The following SUSD1 variants were observed in gnomAD, a reference collection of about 807,000 sequenced individuals.
SUSD1 encodes sushi domain containing 1.
A neutral mutation model predicts 86.9 loss-of-function variants in SUSD1; 65 were observed. The observed-to-expected ratio is 0.75, with a 90% confidence interval of 0.61 to 0.92. The LOEUF (loss-of-function observed/expected upper bound fraction) is 0.92. Ranked by LOEUF, SUSD1 falls within the 40% of genes least tolerant of loss-of-function variation. The pLI, the probability that SUSD1 is intolerant of heterozygous loss-of-function variation, is 0.00. For missense variants in SUSD1, 850 were observed against 929.7 expected (o/e 0.91, Z 1.11); for synonymous variants, 346 against 350.0 (o/e 0.99, Z 0.13).
chr9:112,107,029 C>T lies in SUSD1; in HGVS notation c.1171+4625G>A, dbSNP rs560143975. ...CCTGTAATCCAAGCACTTTGAGAGGCTGACGCAGGAGGATCCCTTGAGGCC... is the reference window on the plus strand; with the variant it reads ...CCTGTAATCCAAGCACTTTGAGAGGTTGACGCAGGAGGATCCCTTGAGGCC... On this transcript the variant is annotated intron_variant, in intron 8 of 16. Transcript: ENST00000374270. Among the ~76,000 whole-genome samples, 9 of 151,960 alleles carry T rather than the reference C, an allele frequency of 5.9e-5. No individual in the cohort carries two copies. In the South Asian group the frequency reaches 1.9e-3, roughly 32 times the overall value.
chr9:112,094,142 C>G (rs1830306420), intron 10 of SUSD1, among the ~76,000 whole-genome samples: 1 of 152,148 alleles, frequency 6.6e-6, no homozygotes, highest in Non-Finnish European at 1.5e-5. Context: ...GGATGGGGCC[C>G]AGGAACCAGT....
chr9:112,137,389 C>T, intron 5 of SUSD1, among the ~76,000 whole-genome samples: 1 of 152,144 alleles, frequency 6.6e-6, no homozygotes, highest in East Asian at 1.9e-4. Context: ...AAGCACTCTC[C>T]TCTAAATTAA....
At chr9:112,115,526 A>C (rs1202988547) in intron 6 of SUSD1, among the ~76,000 whole-genome samples, 2 of 152,098 alleles carry the variant, frequency 1.3e-5, no homozygotes, top group Non-Finnish European at 2.9e-5. Flanking sequence ...TTGTGGGCCA[A>C]GTGGGTGCGG....
intron 7 of SUSD1, among the ~76,000 whole-genome samples, chr9:112,112,560 C>T (rs1991565): frequency 0.47 from 71,848 of 151,762 alleles, 17,259 homozygotes; most frequent in East Asian, 0.71. Flanking sequence ...CGCTTGAACC[C>T]GGGAGGCTGA....
intron 10 of SUSD1, among the ~76,000 whole-genome samples, chr9:112,089,364 G>A (rs768566824): frequency 5.3e-5 from 8 of 152,024 alleles, no homozygotes; most frequent in Admixed American, 3.3e-4. Context: ...AAGAAAGTAA[G>A]CACTGCAATC....
intron 12 of SUSD1, among the ~76,000 whole-genome samples, chr9:112,066,886 G>GT (rs1226373990): frequency 6.6e-6 from 1 of 151,898 alleles, no homozygotes; most frequent in Non-Finnish European, 1.5e-5. Context: ...TTGTTTATCT[G>GT]TTTTTTTGAG....
intron 1 of SUSD1, among the ~76,000 whole-genome samples, chr9:112,158,832 G>A (rs10981290): frequency 7.9e-5 from 12 of 152,168 alleles, no homozygotes; most frequent in Admixed American, 1.3e-4. Context: ...TGAATGAGCC[G>A]CTCAAGGATA....
At chr9:112,045,143 T>C (rs1677837178) in intron 15 of SUSD1, among the ~76,000 whole-genome samples, 1 of 152,200 alleles carries the variant, frequency 6.6e-6, no homozygotes, top group Non-Finnish European at 1.5e-5. Flanking sequence ...ACTAGATTTG[T>C]TTTGTTTTGT....
chr9:112,146,659 A>T (rs1377431012), intron 3 of SUSD1, among the ~76,000 whole-genome samples: 3 of 151,890 alleles, frequency 2.0e-5, no homozygotes, highest in African/African-American at 7.3e-5. Context: ...AAATTAAGAC[A>T]AAGTCTCGCT....
At chr9:112,115,377 G>T (rs1409018245) in intron 6 of SUSD1, among the ~76,000 whole-genome samples, 1 of 152,172 alleles carries the variant, frequency 6.6e-6, no homozygotes, top group Non-Finnish European at 1.5e-5. Flanking sequence ...AAAATCAATG[G>T]AGGCAGAGAG....
intron 9 of SUSD1, among the ~76,000 whole-genome samples, chr9:112,099,707 C>T (rs796548778): frequency 6.6e-6 from 1 of 152,192 alleles, no homozygotes; most frequent in Admixed American, 6.5e-5. Flanking sequence ...GACATATGCT[C>T]GGTGTTGCCA....
chr9:112,078,822 T>C (rs1052278040), intron 11 of SUSD1, 98 bp from the exon 12 acceptor site: 6 of 1,121,588 alleles, frequency 5.3e-6, no homozygotes, highest in African/African-American at 1.7e-5. Context: ...TTTTTTTTTT[T>C]TTTTTTTTGA....
At chr9:112,104,774 T>A (rs573832222) in intron 8 of SUSD1, 1 of 152,238 alleles carries the variant, frequency 6.6e-6, no homozygotes, top group South Asian at 2.1e-4. Context: ...ATCCATTTTA[T>A]TATGAAGGAA....
At chr9:112,062,496 A>G (rs947504493) in intron 13 of SUSD1, among the ~76,000 whole-genome samples, 2 of 152,128 alleles carry the variant, frequency 1.3e-5, no homozygotes, top group African/African-American at 4.8e-5. Flanking sequence ...GGAGTTCAAG[A>G]CCAGCCTGAC....
intron 12 of SUSD1, among the ~76,000 whole-genome samples, chr9:112,067,719 T>C (rs1467801278): frequency 6.6e-6 from 1 of 152,038 alleles, no homozygotes; most frequent in Non-Finnish European, 1.5e-5. Context: ...TCAAAGTCTA[T>C]CACTGCATCA....
At chr9:112,174,747 G>A (rs983527540) in intron 1 of SUSD1, among the ~76,000 whole-genome samples, 6 of 152,184 alleles carry the variant, frequency 3.9e-5, no homozygotes, top group Admixed American at 3.9e-4. Context: ...CCACCGCAGA[G>A]CCGGAAGCGT....
chr9:112,104,003 G>A (rs1459742190), intron 8 of SUSD1, among the ~76,000 whole-genome samples: 1 of 151,878 alleles, frequency 6.6e-6, no homozygotes, highest in Non-Finnish European at 1.5e-5. Flanking sequence ...ATGCTTCAAC[G>A]TCTGTATTTT....
At chr9:112,146,739 G>C (rs1200743366) in intron 3 of SUSD1, among the ~76,000 whole-genome samples, 1 of 152,122 alleles carries the variant, frequency 6.6e-6, no homozygotes, top group East Asian at 1.9e-4. Flanking sequence ...GGGCTCCAGC[G>C]ATCCTCCCAC....
chr9:112,133,420 A>T (rs1159011972), intron 5 of SUSD1, among the ~76,000 whole-genome samples: 1 of 152,354 alleles, frequency 6.6e-6, no homozygotes, highest in East Asian at 1.9e-4. Context: ...ACACCTGATC[A>T]GTCACCTTAT....
Sources: gnomAD v4.1 joint callset for allele counts (sites outside exome capture counted in the v4.1 genomes callset) on GRCh38, gnomAD v4.1.1 for gene constraint, MANE v1.5 for transcripts, NCBI Gene and HGNC (gene_info 2026-07-23, HGNC 2026-07-21) for gene names.